KCNJ5: variants seen among roughly 807,000 people sequenced by gnomAD.
The protein encoded by KCNJ5 is G protein-activated inward rectifier potassium channel 4.
Under a neutral mutation model 20.2 loss-of-function variants are expected in KCNJ5, and 12 were observed. That is an observed-to-expected ratio of 0.59 (90% CI 0.38 to 0.96). The LOEUF is 0.96. Ranked by LOEUF, KCNJ5 falls within the 40% of genes least tolerant of loss-of-function variation. The pLI is 0.00. For synonymous variants in KCNJ5, 210 were observed against 213.9 expected, an observed-to-expected ratio of 0.98 and a Z score of 0.16; for missense variants, 449 against 557.6, an observed-to-expected ratio of 0.81 and a Z score of 1.96.
chr11:128,909,655 G>A (rs2135997201), intron 1 of KCNJ5, among the ~76,000 whole-genome samples: 1 of 152,320 alleles, frequency 6.6e-6, no homozygotes, highest in South Asian at 2.1e-4. Context: ...GCTCAGGCCT[G>A]CAGGAAAAGA....
At position 128,902,516 on chromosome 11, in the gene KCNJ5, AG is replaced by A. The variant is rs760667653; in HGVS notation, c.-10-8743del. 7.1e-5 allele frequency: 111 copies of A among 1,562,796 alleles called. No homozygotes were observed. The East Asian group carries it at 2.6e-3, about 36-fold the overall frequency. On this transcript the variant is annotated intron_variant, in intron 1 of 2. Coordinates refer to ENST00000529694, the MANE Select transcript of KCNJ5 (RefSeq NM_000890.5). ...GTCATAGCAGCCGTCTGCATGGGGGAGGGGGCTGGGGAGCACAGGGCTATTG... is the reference window on the plus strand; with the variant it reads ...GTCATAGCAGCCGTCTGCATGGGGGAGGGGCTGGGGAGCACAGGGCTATTG...
intron 1 of KCNJ5, among the ~76,000 whole-genome samples, chr11:128,903,831 G>C: frequency 6.6e-6 from 1 of 152,124 alleles, no homozygotes; most frequent in East Asian, 1.9e-4. Context: ...GAAGTGACCC[G>C]AGCTGCCGGG....
intron 1 of KCNJ5, among the ~76,000 whole-genome samples, chr11:128,898,967 G>T (rs536309497): frequency 6.6e-6 from 1 of 152,188 alleles, no homozygotes; most frequent in Admixed American, 6.5e-5. Flanking sequence ...GGCGTGAGCC[G>T]CCGTGCCTGG....
chr11:128,900,519 C>A (rs917141606), intron 1 of KCNJ5: 2 of 152,242 alleles, frequency 1.3e-5, no homozygotes, highest in Non-Finnish European at 2.9e-5. Flanking sequence ...AATACTCTCT[C>A]GCTCCTCTGG....
Position 128,916,688 on chromosome 11 carries a change from C to T in KCNJ5, c.1217C>T (p.Pro406Leu), listed in dbSNP as rs1467798537. The T allele has an allele frequency of 9.9e-6, 16 of 1,610,670 alleles. No individual in the cohort carries two copies. The highest frequency in any genetic ancestry group is 4.0e-5 in the African/African-American group (3 of 74,656). Reference sequence around the variant, plus strand: ...GCTGAGCAGAATGAAGAAGATGAGCCCAAGGGGCTGGGTGGGTCCAGGGAG... The same window carrying T: ...GCTGAGCAGAATGAAGAAGATGAGCTCAAGGGGCTGGGTGGGTCCAGGGAG... ...AEAEQNEEDEPKGLGGSREAR... is the reference protein window; with the variant it reads ...AEAEQNEEDELKGLGGSREAR... The change falls in exon 3 of 3, where the codon CCC (proline) becomes CTC (leucine). Residue 406 changes from proline to leucine, a missense_variant. Transcript: ENST00000529694.
rs35311412 is a variant in KCNJ5 at position 128,904,349 on chromosome 11, ATT to A, written c.-10-6908_-10-6907del. ...CTCTCTCTCACTCTCTACTGCACTG[ATT>A]TTTTTTGCCTGTGTACTCCCCACCA... On this transcript the variant is annotated intron_variant, in intron 1 of 2. Transcript: ENST00000529694. 14 of 1,574,480 alleles carry A rather than the reference ATT, an allele frequency of 8.9e-6. No homozygotes were observed. In the African/African-American group the frequency reaches 1.8e-4, roughly 20 times the overall value.
chr11:128,915,787 A>T (rs73027241), intron 2 of KCNJ5, among the ~76,000 whole-genome samples: 27,781 of 149,822 alleles, frequency 0.19, 3,116 homozygotes, highest in Middle Eastern at 0.29. Context: ...GAATGTATGG[A>T]TAATTGGATG....
intron 1 of KCNJ5, among the ~76,000 whole-genome samples, chr11:128,894,490 C>T (rs1944141491): frequency 1.3e-5 from 2 of 152,146 alleles, no homozygotes; most frequent in Non-Finnish European, 2.9e-5. Flanking sequence ...GGCAGTGTTT[C>T]CAAGTGCGGA....
rs1944088069 is a variant in KCNJ5, at chr11:128,891,464, A to AGG, written c.-267_-266insGG. The AGG allele has an allele frequency of 6.6e-6, 1 of 152,134 alleles. No homozygotes were observed. The highest frequency in any genetic ancestry group is 2.4e-5 in the African/African-American group (1 of 40,988). The allele number at this position is 152,134 out of a possible 1,614,324, so 9.4% of individuals were successfully genotyped here. On this transcript the variant is annotated 5_prime_UTR_variant, in exon 1 of 3. Transcript: ENST00000529694. ...CACAGAGAGAGAGAGAGAGAGAGAG[A>AGG]GAGAGAGAGAGATTGTTCCAGCTGC...
intron 1 of KCNJ5, among the ~76,000 whole-genome samples, chr11:128,896,256 A>C (rs1190201282): frequency 6.6e-6 from 1 of 152,184 alleles, no homozygotes; most frequent in Non-Finnish European, 1.5e-5. Context: ...TTATAGATTC[A>C]CATGCAGTTT....
chr11:128,911,443 G>C lies in KCNJ5; in HGVS notation c.170G>C (p.Ser57Thr), dbSNP rs1487831175. 5 of 1,614,136 alleles carry C rather than the reference G, an allele frequency of 3.1e-6. No individual in the cohort carries two copies. The highest frequency in any genetic ancestry group is 4.2e-6 in the Non-Finnish European group (5 of 1,180,056). The change falls in exon 2 of 3, where the codon AGT (serine) becomes ACT (threonine). Residue 57 changes from serine to threonine, a missense_variant. Ser to Thr is a moderately conservative substitution (Grantham distance 58). Around this residue, in one of 5 missense-constraint regions of KCNJ5, gnomAD observed 203 missense variants for 258.0 expected, o/e 0.79. Coordinates refer to ENST00000529694, the MANE Select transcript of KCNJ5 (RefSeq NM_000890.5). The surrounding 1 kb of genome is among the most constrained non-coding windows in gnomAD (Gnocchi z 6.3). ...KKPRQRYMEK[S>T]GKCNVHHGNV... ...CCACGCCAGCGCTACATGGAGAAGA[G>C]TGGCAAGTGCAACGTGCACCACGGC...
At chr11:128,899,447 A>T (rs530462765) in intron 1 of KCNJ5, 1 of 152,192 alleles carries the variant, frequency 6.6e-6, no homozygotes, top group East Asian at 1.9e-4. Flanking sequence ...TCAAACTCAC[A>T]TTATCTTGCT....
Position 128,919,630 on chromosome 11 carries a change from T to C in KCNJ5, c.*2899T>C, listed in dbSNP as rs1944640213. On this transcript the variant is annotated 3_prime_UTR_variant, in exon 3 of 3. Transcript: ENST00000529694. ...ACTTACTAAATGCAGAGTCTGATGATGGACAGAGTTTCAAGGGGTCACTTT... is the reference window on the plus strand; with the variant it reads ...ACTTACTAAATGCAGAGTCTGATGACGGACAGAGTTTCAAGGGGTCACTTT... 6.6e-6 allele frequency: 1 copy of C among 152,278 alleles called. No individual in the cohort carries two copies. The allele number at this position is 152,278 out of a possible 1,614,324, so 9.4% of individuals were successfully genotyped here.
chr11:128,908,420 C>T (rs10790976), intron 1 of KCNJ5, among the ~76,000 whole-genome samples: 40,130 of 152,066 alleles, frequency 0.26, 9,131 homozygotes, highest in African/African-American at 0.62. Flanking sequence ...GACACTGAGT[C>T]AGAATCCAGA....
At chr11:128,893,797 G>C (rs944186918) in intron 1 of KCNJ5, among the ~76,000 whole-genome samples, 2 of 152,188 alleles carry the variant, frequency 1.3e-5, no homozygotes, top group African/African-American at 2.4e-5. Context: ...ATCTTAGTGG[G>C]GTTCCCCACC....
At chr11:128,901,773 T>G (rs1324662902) in intron 1 of KCNJ5, 1 of 152,358 alleles carries the variant, frequency 6.6e-6, no homozygotes, top group African/African-American at 2.4e-5. Context: ...CCAGGGATGG[T>G]GGGTCTGAGC....
chr11:128,901,149 C>T (rs1944268253), intron 1 of KCNJ5: 1 of 152,238 alleles, frequency 6.6e-6, no homozygotes, highest in South Asian at 2.1e-4. Context: ...GATGGCTGGA[C>T]TCAAATGGGT....
intron 1 of KCNJ5, among the ~76,000 whole-genome samples, chr11:128,906,329 C>A (rs2135994449): frequency 6.6e-6 from 1 of 152,328 alleles, no homozygotes; most frequent in Middle Eastern, 3.4e-3. Flanking sequence ...TCCGACTTCC[C>A]TTTCTGTACT....
chr11:128,908,147 T>C (rs539695869), intron 1 of KCNJ5, among the ~76,000 whole-genome samples: 125 of 152,392 alleles, frequency 8.2e-4, no homozygotes, highest in African/African-American at 2.8e-3. Flanking sequence ...CTATTTGTCT[T>C]AGATAATCTC....
Sources: allele counts gnomAD v4.1 joint callset (sites outside exome capture counted in the v4.1 genomes callset), GRCh38; gene constraint gnomAD v4.1.1; regional missense constraint gnomAD v4.1.1; non-coding constraint Gnocchi (gnomAD v3.1); transcripts MANE v1.5; gene names NCBI Gene and HGNC (gene_info 2026-07-23, HGNC 2026-07-21).